Variants in CROCC2 observed in about 807,000 individuals in gnomAD.
CROCC2 encodes ciliary rootlet coiled-coil, rootletin family member 2.
Under a neutral mutation model 177.6 loss-of-function variants are expected in CROCC2, and 163 were observed. That is an observed-to-expected ratio of 0.92 (90% CI 0.81 to 1.05). The LOEUF (loss-of-function observed/expected upper bound fraction) is 1.05. Ranked by LOEUF, CROCC2 falls within the 50% of genes least tolerant of loss-of-function variation. The pLI is 0.00. For missense variants in CROCC2, 1,929 were observed against 1,797.8 expected, an observed-to-expected ratio of 1.07 and a Z score of -1.32; for synonymous variants, 904 against 787.3, an observed-to-expected ratio of 1.15 and a Z score of -2.48.
rs975161613 is a variant in CROCC2, at chr2:240,933,302, G to A, written c.1423G>A (p.Glu475Lys). The A allele has an allele frequency of 1.2e-5, 19 of 1,542,388 alleles. No homozygotes were observed. Among genetic ancestry groups the A allele is most frequent in the South Asian group, 2.4e-5 (2 of 83,448 alleles). Residue 475 changes from glutamate to lysine, a missense_variant, in exon 10 of 32, where the codon GAG (glutamate) becomes AAG (lysine). Physicochemically the swap from Glu to Lys is moderately conservative, Grantham distance 56. Around this residue, in one of 3 missense-constraint regions of CROCC2, gnomAD observed 1,397 missense variants for 1,239.9 expected, o/e 1.13. Coordinates refer to ENST00000690015, the MANE Select transcript of CROCC2 (RefSeq NM_001351305.2). ...LRGQLEAQRL[E>K]VQQCRASCKL... The stretch of plus-strand genomic sequence containing the variant: ...GGGCCAGCTGGAGGCCCAGAGGCTC[G>A]AGGTGCAGCAGTGCCGGGCATCCTG...
chr2:240,963,802 G>A (rs2059658900), intron 21 of CROCC2, 29 bp downstream of exon 21: 1 of 1,541,110 alleles, frequency 6.5e-7, no homozygotes, highest in South Asian at 1.2e-5. Context: ...AGCAGCTGGG[G>A]GTGCCCTGCA....
At chr2:240,937,585 C>T (rs1028845588) in intron 14 of CROCC2, among the ~76,000 whole-genome samples, 1 of 152,132 alleles carries the variant, frequency 6.6e-6, no homozygotes, top group Non-Finnish European at 1.5e-5. Context: ...TAGGTTCTGT[C>T]TGAAAAATTT....
intron 14 of CROCC2, among the ~76,000 whole-genome samples, chr2:240,940,504 A>C (rs997654992): frequency 6.6e-6 from 1 of 152,210 alleles, no homozygotes; most frequent in Non-Finnish European, 1.5e-5. Context: ...CACCATGATC[A>C]AGTGGGTTTC....
At chr2:240,957,071 G>A (rs74369178) in intron 19 of CROCC2, among the ~76,000 whole-genome samples, 6,405 of 152,140 alleles carry the variant, frequency 0.042, 414 homozygotes, top group African/African-American at 0.14. Context: ...ACACAGGTGC[G>A]AGGGTGCCCT....
chr2:240,982,049 T>G lies in CROCC2; in HGVS notation c.4402-831T>G, dbSNP rs552375972. On this transcript the variant is annotated intron_variant, in intron 27 of 31. Coordinates refer to ENST00000690015, the MANE Select transcript of CROCC2 (RefSeq NM_001351305.2). The surrounding 1 kb of genome is among the most constrained non-coding windows in gnomAD (Gnocchi z 4.7). ...AGGAGGAGAAGGCAGCAGCGTAGGGTGGGGGCGCCAGCGGGGAGGCTGTGC... is the reference window on the plus strand; with the variant it reads ...AGGAGGAGAAGGCAGCAGCGTAGGGGGGGGGCGCCAGCGGGGAGGCTGTGC... 1.3e-5 allele frequency: 2 copies of G among 151,142 alleles called. No homozygotes were observed. The highest frequency in any genetic ancestry group is 2.0e-4 in the East Asian group (1 of 5,042). 9.4% of individuals were successfully genotyped at this position (151,142 alleles called of 1,614,324 possible).
rs757502109 is a variant in CROCC2 at position 240,934,352 on chromosome 2, G to A, written c.1668G>A (p.Leu556=). ...TCAGTCAAGGCCGCCTGCAGCAGCT[G>A]GAGGAGAAGGTCTCCGGGCTCAGAG... ...LETSQGRLQQ[L]EEKVSGLREE... Residue 556 remains leucine, a synonymous_variant, in exon 12 of 32, where the codon CTG becomes CTA. Coordinates refer to ENST00000690015, the MANE Select transcript of CROCC2 (RefSeq NM_001351305.2). 3.3e-5 allele frequency: 51 copies of A among 1,548,558 alleles called. No homozygotes were observed. Among genetic ancestry groups the A allele is most frequent in the Non-Finnish European group, 4.4e-5 (50 of 1,146,912 alleles).
Position 240,949,048 on chromosome 2 carries a change from G to A in CROCC2, c.2433G>A (p.Gln811=). The A allele has an allele frequency of 6.5e-7, 1 of 1,549,554 alleles. No homozygotes were observed. Among genetic ancestry groups the A allele is most frequent in the South Asian group, 1.2e-5 (1 of 83,980 alleles). The change falls in exon 16 of 32, where the codon CAG becomes CAA. Residue 811 remains glutamine, a synonymous_variant. Coordinates refer to ENST00000690015, the MANE Select transcript of CROCC2 (RefSeq NM_001351305.2). This position sits in a 1 kb window ranked among gnomAD's most constrained non-coding sequence, Gnocchi z 4.5. ...AQQLATKLQE[Q]LEEEARSAGL... The stretch of plus-strand genomic sequence containing the variant: ...AGCTGGCCACAAAGCTGCAGGAGCA[G>A]CTGGAGGAGGAAGCCCGGAGCGCAG...
intron 14 of CROCC2, among the ~76,000 whole-genome samples, chr2:240,937,296 T>C (rs1258781851): frequency 6.6e-6 from 1 of 152,260 alleles, no homozygotes; most frequent in Non-Finnish European, 1.5e-5. Flanking sequence ...CACATTTTCA[T>C]GCATGTATTG....
chr2:240,976,712 G>C (rs2059769197), intron 27 of CROCC2, among the ~76,000 whole-genome samples: 2 of 114,068 alleles, frequency 1.8e-5, no homozygotes, highest in Non-Finnish European at 3.7e-5. Flanking sequence ...GGAGCCTCAG[G>C]AGCCCAGGCT....
chr2:240,925,674 C>T (rs962006380), intron 4 of CROCC2, 50 bp from the exon 5 acceptor site: 1 of 672,750 alleles, frequency 1.5e-6, no homozygotes, highest in Non-Finnish European at 2.7e-6. Flanking sequence ...GAGCGCCTCT[C>T]TTAGGAGAGG....
rs892590899 is a variant in CROCC2 at position 240,953,238 on chromosome 2, C to G, written c.2830-2621C>G. 7.0e-6 allele frequency among the ~76,000 whole-genome samples: 1 copy of G among 142,624 alleles called. No individual in the cohort carries two copies. Among genetic ancestry groups the G allele is most frequent in the Admixed American group, 6.7e-5 (1 of 14,944 alleles). 93.6% of individuals were successfully genotyped at this position (142,624 alleles called of 152,430 possible). On this transcript the variant is annotated intron_variant, in intron 18 of 31. Coordinates refer to ENST00000690015, the MANE Select transcript of CROCC2 (RefSeq NM_001351305.2). This position sits in a 1 kb window ranked among gnomAD's most constrained non-coding sequence, Gnocchi z 4.0. ...CAGTGTGGCCAACATGGTGAAACCC[C>G]GTCTCTACTAAAAAAAAAATACAAA...
In CROCC2 at chr2:240,934,195, G is replaced by A. The variant is rs778799441; in HGVS notation, c.1647-136G>A. The A allele has an allele frequency of 1.0e-3, 1,009 of 985,198 alleles. 1 individual carries two copies. Among genetic ancestry groups the A allele is most frequent in the Non-Finnish European group, 1.4e-3 (932 of 686,608 alleles). The allele number at this position is 985,198 out of a possible 1,614,324, so 61.0% of individuals were successfully genotyped here. On this transcript the variant is annotated intron_variant, in intron 11 of 31. Coordinates refer to ENST00000690015, the MANE Select transcript of CROCC2 (RefSeq NM_001351305.2). ...AAGCGAAGGGCTCCCTGCCTTCCTG[G>A]TCCTCCAGGGACTCCATGCTCCTCC...
chr2:240,956,868 G>A (rs941505427), intron 19 of CROCC2, among the ~76,000 whole-genome samples: 4 of 152,176 alleles, frequency 2.6e-5, no homozygotes, highest in African/African-American at 7.2e-5. Context: ...GGCTCACAGC[G>A]AGGGTGGCCA....
At chr2:240,939,794 A>T (rs2059486822) in intron 14 of CROCC2, among the ~76,000 whole-genome samples, 1 of 152,082 alleles carries the variant, frequency 6.6e-6, no homozygotes, top group Non-Finnish European at 1.5e-5. Flanking sequence ...CATGTGATTT[A>T]TTCTTTGCCC....
intron 20 of CROCC2, 160 bp downstream of exon 20, chr2:240,959,604 T>C (rs529009293): frequency 1.1e-4 from 110 of 958,036 alleles, no homozygotes; most frequent in African/African-American, 9.4e-4. Context: ...CAAACAGCCA[T>C]AGGGGCATGG....
At chr2:240,927,912 A>T (rs1181428705) in intron 5 of CROCC2, among the ~76,000 whole-genome samples, 1 of 152,212 alleles carries the variant, frequency 6.6e-6, no homozygotes, top group Non-Finnish European at 1.5e-5. Flanking sequence ...CAGCCTCCCA[A>T]AATGCTGGGA....
intron 31 of CROCC2, among the ~76,000 whole-genome samples, chr2:240,991,608 G>A (rs1293705323): frequency 2.0e-5 from 3 of 152,188 alleles, no homozygotes; most frequent in Admixed American, 6.5e-5. Flanking sequence ...ACCATGCTGC[G>A]GGTCGCTCAT....
Position 240,949,393 on chromosome 2 carries a change from C to T in CROCC2, c.2483-140C>T. 2 of 1,138,938 alleles carry T rather than the reference C, an allele frequency of 1.8e-6. No homozygotes were observed. Among genetic ancestry groups the T allele is most frequent in the South Asian group, 3.1e-5 (2 of 64,684 alleles). 70.6% of individuals were successfully genotyped at this position (1,138,938 alleles called of 1,614,324 possible). A position where few individuals can be genotyped will look rare whatever the true frequency, so the allele number is the denominator to read the frequency against. On this transcript the variant is annotated intron_variant, in intron 16 of 31. Coordinates refer to ENST00000690015, the MANE Select transcript of CROCC2 (RefSeq NM_001351305.2). This position sits in a 1 kb window ranked among gnomAD's most constrained non-coding sequence, Gnocchi z 4.5. ...TGTACCCTTGACCCTGCTCAGCCCACCCTGCCATGTGCTGGCCACCCACTC... is the reference window on the plus strand; with the variant it reads ...TGTACCCTTGACCCTGCTCAGCCCATCCTGCCATGTGCTGGCCACCCACTC...
chr2:240,948,095 G>A (rs1372811781), intron 15 of CROCC2, among the ~76,000 whole-genome samples: 2 of 152,176 alleles, frequency 1.3e-5, no homozygotes, highest in Non-Finnish European at 2.9e-5. Flanking sequence ...ACGCAGAAGG[G>A]GGAAGAGCTG....
Sources: allele counts gnomAD v4.1 joint callset (sites outside exome capture counted in the v4.1 genomes callset), GRCh38; gene constraint gnomAD v4.1.1; regional missense constraint gnomAD v4.1.1; non-coding constraint Gnocchi (gnomAD v3.1); transcripts MANE v1.5; gene names NCBI Gene and HGNC (gene_info 2026-07-23, HGNC 2026-07-21).